TSNARE1: variants seen among roughly 807,000 people sequenced by gnomAD.
TSNARE1 encodes the protein t-SNARE domain-containing protein 1.
A neutral mutation model predicts 62.0 loss-of-function variants in TSNARE1; 49 were observed. The ratio of observed to expected loss-of-function variants is 0.79; its 90% CI spans 0.63 to 1.00. The LOEUF (loss-of-function observed/expected upper bound fraction) is 1.00. Ranked by LOEUF, TSNARE1 falls within the 50% of genes least tolerant of loss-of-function variation. The probability of loss-of-function intolerance (pLI) is 0.00; values close to 1 mark genes in which losing one functional copy is unlikely to be tolerated. For synonymous variants in TSNARE1, 328 were observed against 294.4 expected, an observed-to-expected ratio of 1.11 and a Z score of -1.17; for missense variants, 755 against 700.1, an observed-to-expected ratio of 1.08 and a Z score of -0.88.
intron 1 of TSNARE1, among the ~76,000 whole-genome samples, chr8:142,401,116 G>T (rs1838260956): frequency 6.6e-6 from 1 of 152,186 alleles, no homozygotes; most frequent in Admixed American, 6.5e-5. Flanking sequence ...CCGCCCACCT[G>T]GAAGGTGACT....
At chr8:142,298,932 G>A (rs968949158) in intron 10 of TSNARE1, among the ~76,000 whole-genome samples, 3 of 152,234 alleles carry the variant, frequency 2.0e-5, no homozygotes, top group Non-Finnish European at 4.4e-5. Context: ...AGCAGGAAGG[G>A]ATGGAAACCA....
At position 142,344,084 on chromosome 8, in the gene TSNARE1, G is replaced by A. The variant is rs1208528127; in HGVS notation, c.627C>T (p.Pro209=). The change falls in exon 4 of 14, where the codon CCC becomes CCT. Residue 209 remains proline, a synonymous_variant. Transcript: ENST00000524325. Reference sequence around the variant, plus strand: ...CCTGGGGCTTGCCGGAACCAGGGCTGGGGCCATGGGCCGCCTTCCGGAGGT... The same window carrying A: ...CCTGGGGCTTGCCGGAACCAGGGCTAGGGCCATGGGCCGCCTTCCGGAGGT... The part of the protein sequence containing the change: ...LGDLRKAAHG[P]SPGSGKPQAL... 1.2e-6 allele frequency: 2 copies of A among 1,607,982 alleles called. No individual in the cohort carries two copies. Among genetic ancestry groups the A allele is most frequent in the Non-Finnish European group, 1.7e-6 (2 of 1,176,582 alleles).
chr8:142,310,190 G>A (rs935433784), intron 9 of TSNARE1, among the ~76,000 whole-genome samples: 4 of 152,048 alleles, frequency 2.6e-5, no homozygotes, highest in Non-Finnish European at 5.9e-5. Flanking sequence ...TACTGAACGT[G>A]TTTTATATTT....
intron 7 of TSNARE1, 41 bp downstream of exon 7, chr8:142,318,503 A>G: frequency 1.3e-6 from 2 of 1,584,730 alleles, no homozygotes; most frequent in Non-Finnish European, 1.7e-6. Context: ...AGAGGGGTCC[A>G]TTCCTCTCCT....
intron 7 of TSNARE1, among the ~76,000 whole-genome samples, chr8:142,317,238 C>T (rs1007123396): frequency 9.3e-5 from 14 of 150,284 alleles, no homozygotes; most frequent in African/African-American, 3.2e-4. Context: ...CGACCAGCGG[C>T]TCACACTGTA....
At chr8:142,397,939 C>T (rs1404622218) in intron 1 of TSNARE1, among the ~76,000 whole-genome samples, 1 of 152,136 alleles carries the variant, frequency 6.6e-6, no homozygotes, top group African/African-American at 2.4e-5. Flanking sequence ...CAGACCTCTT[C>T]GGCAAACCTC....
intron 13 of TSNARE1, among the ~76,000 whole-genome samples, chr8:142,215,395 G>T (rs1255523641): frequency 6.6e-6 from 1 of 152,174 alleles, no homozygotes; most frequent in Non-Finnish European, 1.5e-5. Flanking sequence ...AGCAATGGTG[G>T]TCAGGGAGCA....
chr8:142,227,985 C>A (rs1447072165), intron 13 of TSNARE1, among the ~76,000 whole-genome samples: 1 of 152,200 alleles, frequency 6.6e-6, no homozygotes, highest in Non-Finnish European at 1.5e-5. Context: ...AGGGTGGCAT[C>A]CACCCTGTTC....
intron 1 of TSNARE1, among the ~76,000 whole-genome samples, chr8:142,369,972 T>C (rs1835810821): frequency 6.6e-6 from 1 of 152,148 alleles, no homozygotes; most frequent in African/African-American, 2.4e-5. Flanking sequence ...CCCAACATGA[T>C]GGTGTTAGGA....
At position 142,314,391 on chromosome 8, in the gene TSNARE1, C is replaced by A. The variant is rs1351559439; in HGVS notation, c.1124G>T (p.Ser375Ile). Residue 375 changes from serine to isoleucine, a missense_variant, in exon 9 of 14, where the codon AGT (serine) becomes ATT (isoleucine). By Grantham distance (142) the Ser-to-Ile change is moderately radical. Transcript: ENST00000524325. ...RALLPMAQRG[S>I]KQSPQAPFAE... ...TCAGTACTCGGCACCCACCTGTTTA[C>A]TGCCCCTCTGCGCCATGGGAAGCAG... The A allele has an allele frequency of 2.5e-6, 4 of 1,613,834 alleles. No individual in the cohort carries two copies. The East Asian group carries it at 8.9e-5, about 36-fold the overall frequency.
intron 1 of TSNARE1, among the ~76,000 whole-genome samples, chr8:142,377,069 G>A (rs1021912246): frequency 6.6e-6 from 1 of 152,214 alleles, no homozygotes; most frequent in Non-Finnish European, 1.5e-5. Flanking sequence ...CCGTCAACGG[G>A]GGACATGGCA....
intron 10 of TSNARE1, among the ~76,000 whole-genome samples, chr8:142,287,564 C>T (rs1484021043): frequency 5.7e-5 from 8 of 139,600 alleles, no homozygotes; most frequent in African/African-American, 2.2e-4. Flanking sequence ...GATGTGGAAC[C>T]CAGGACCCCG....
intron 7 of TSNARE1, among the ~76,000 whole-genome samples, chr8:142,316,649 C>T (rs1490544811): frequency 6.6e-6 from 1 of 151,808 alleles, no homozygotes; most frequent in Admixed American, 6.7e-5. Flanking sequence ...CCTGCAGGCA[C>T]CCCAAAACCA....
At chr8:142,278,586 CG>C in intron 11 of TSNARE1, 2 of 985,312 alleles carry the variant, frequency 2.0e-6, no homozygotes, top group Non-Finnish European at 2.4e-6. Flanking sequence ...GGAGGAGGCA[CG>C]GAGGCGGCAG....
In TSNARE1 at chr8:142,315,026, G is replaced by A. The variant is rs375167335; in HGVS notation, c.1051C>T (p.Gln351Ter). 1 of 1,613,966 alleles carries A rather than the reference G, an allele frequency of 6.2e-7. No individual in the cohort carries two copies. The highest frequency in any genetic ancestry group is 1.3e-5 in the African/African-American group (1 of 74,894). Residue 351 changes from glutamine to a stop codon, truncating the protein, a stop_gained, in exon 8 of 14, where the codon CAG becomes TAG. Coordinates refer to ENST00000524325, the MANE Select transcript of TSNARE1 (RefSeq NM_145003.5). LOFTEE classifies it high-confidence loss of function. ...ACCTTCTGCACCACTCCATAGCACT[G>A]AATGGCATCTGAGAGCTGGGTTTTC... is the stretch of plus-strand genomic sequence containing the variant. Reference protein sequence around the residue: ...RLKTQLSDAIQCYGVVQKKIA... With the variant: ...RLKTQLSDAI
chr8:142,366,226 T>C (rs1835540060), intron 1 of TSNARE1, among the ~76,000 whole-genome samples: 2 of 152,000 alleles, frequency 1.3e-5, no homozygotes, highest in South Asian at 2.1e-4. Flanking sequence ...TTAGTAGAGA[T>C]GGGGTTTCAC....
intron 11 of TSNARE1, chr8:142,275,528 C>G: frequency 1.0e-6 from 1 of 985,440 alleles, no homozygotes; most frequent in Non-Finnish European, 1.2e-6. Flanking sequence ...AGATTCCATG[C>G]TCAGCATTGT....
chr8:142,292,233 C>A (rs529460884), intron 10 of TSNARE1, among the ~76,000 whole-genome samples: 13 of 152,156 alleles, frequency 8.5e-5, no homozygotes, highest in Non-Finnish European at 1.9e-4. Context: ...GCTCTCCGAG[C>A]TAGTGGACAG....
At chr8:142,385,077 G>A (rs1350292860) in intron 1 of TSNARE1, among the ~76,000 whole-genome samples, 1 of 152,096 alleles carries the variant, frequency 6.6e-6, no homozygotes. Flanking sequence ...GAAATGAGGT[G>A]AGAGAAAGAG....
Sources: allele counts gnomAD v4.1 joint callset (sites outside exome capture counted in the v4.1 genomes callset), GRCh38; gene constraint gnomAD v4.1.1; transcripts MANE v1.5; gene names NCBI Gene and HGNC (gene_info 2026-07-23, HGNC 2026-07-21).